CAPZB: variants seen among roughly 807,000 people sequenced by gnomAD.
The protein encoded by CAPZB is capping actin protein of muscle Z-line subunit beta.
CAPZB carries 2 observed loss-of-function variants against 38.1 expected under a neutral mutation model. That is an observed-to-expected ratio of 0.05 (90% CI 0.02 to 0.17). CAPZB has a LOEUF of 0.17. CAPZB is among the 10% of genes least tolerant of loss of function. CAPZB has a pLI of 1.00. For missense variants in CAPZB, 161 were observed against 334.2 expected, an observed-to-expected ratio of 0.48 and a Z score of 4.04; for synonymous variants, 107 against 127.4, an observed-to-expected ratio of 0.84 and a Z score of 1.08.
At chr1:19,459,678 C>T (rs1425041937) in intron 1 of CAPZB, among the ~76,000 whole-genome samples, 7 of 152,114 alleles carry the variant, frequency 4.6e-5, no homozygotes, top group Non-Finnish European at 1.0e-4. Context: ...AAAACAGTCC[C>T]CCTTACCTGC....
chr1:19,472,998 T>G (rs1244456878), intron 1 of CAPZB, among the ~76,000 whole-genome samples: 1 of 152,168 alleles, frequency 6.6e-6, no homozygotes, highest in African/African-American at 2.4e-5. Flanking sequence ...ATTACAGGTG[T>G]GAGCCACAGT....
rs916667251 is a variant in CAPZB at position 19,387,588 on chromosome 1, C to T, written c.94-1962G>A. ...GTTGGGCCTCAACTTTTGCCTGGAA[C>T]CCATTCTCTCTGGTTGGAGTCCTGA... On this transcript the variant is annotated intron_variant, in intron 2 of 8. Coordinates refer to ENST00000264202, the MANE Select transcript of CAPZB (RefSeq NM_004930.5). Among the ~76,000 whole-genome samples the T allele has an allele frequency of 5.9e-5, 9 of 152,210 alleles. 1 individual carries two copies. Among genetic ancestry groups the T allele is most frequent in the African/African-American group, 2.2e-4 (9 of 41,446 alleles).
At chr1:19,340,224 A>G (rs1172353213) in intron 8 of CAPZB, among the ~76,000 whole-genome samples, 1 of 152,192 alleles carries the variant, frequency 6.6e-6, no homozygotes, top group Non-Finnish European at 1.5e-5. Flanking sequence ...GTCTGAGCAC[A>G]CTGTGTTTAT....
intron 1 of CAPZB, among the ~76,000 whole-genome samples, chr1:19,425,827 A>G (rs2094420438): frequency 2.0e-5 from 3 of 152,236 alleles, no homozygotes; most frequent in Non-Finnish European, 4.4e-5. Context: ...CTCCAGGGCA[A>G]AGTCTGATTT....
intron 1 of CAPZB, among the ~76,000 whole-genome samples, chr1:19,463,366 C>A (rs912539592): frequency 2.6e-5 from 4 of 152,220 alleles, no homozygotes. Flanking sequence ...GCCTCACTTA[C>A]ATAAGAGTGC....
intron 1 of CAPZB, among the ~76,000 whole-genome samples, chr1:19,436,236 C>T (rs2094457791): frequency 1.3e-5 from 2 of 152,224 alleles, no homozygotes; most frequent in Non-Finnish European, 2.9e-5. Context: ...CTTCCCACTC[C>T]ATCCTGCCTG....
At chr1:19,467,878 T>C (rs572577103) in intron 1 of CAPZB, among the ~76,000 whole-genome samples, 2 of 152,334 alleles carry the variant, frequency 1.3e-5, no homozygotes, top group African/African-American at 2.4e-5. Context: ...GAACTAGAGC[T>C]TGAAAACACT....
At chr1:19,343,043 G>A (rs541783576) in intron 8 of CAPZB, among the ~76,000 whole-genome samples, 1 of 152,308 alleles carries the variant, frequency 6.6e-6, no homozygotes, top group East Asian at 1.9e-4. Context: ...CGCTGGCGGT[G>A]GTCGTGGTAT....
intron 3 of CAPZB, among the ~76,000 whole-genome samples, chr1:19,382,922 C>A (rs1432587675): frequency 1.3e-5 from 2 of 152,158 alleles, no homozygotes; most frequent in Non-Finnish European, 2.9e-5. Context: ...GCTCCCTGGT[C>A]TGTCAGACCA....
chr1:19,386,199 C>G (rs917183373), intron 2 of CAPZB, among the ~76,000 whole-genome samples: 2 of 152,230 alleles, frequency 1.3e-5, no homozygotes, highest in African/African-American at 2.4e-5. Flanking sequence ...AGTGGGCTCA[C>G]CTCCGGCTGG....
rs60458604 is a variant in CAPZB, at chr1:19,422,729, AAACAACAAC to A, written c.4-2988_4-2980del. Among the ~76,000 whole-genome samples the A allele has an allele frequency of 8.8e-4, 132 of 150,448 alleles. 1 individual carries two copies. The highest frequency in any genetic ancestry group is 2.7e-3 in the African/African-American group (111 of 40,788). ...GCGACAGAGCGAGACTCCATCTCAA[AAACAACAAC>A]AACAACAACAACAACAACAACAAAC... is the stretch of plus-strand genomic sequence containing the variant. On this transcript the variant is annotated intron_variant, in intron 1 of 8. Coordinates refer to ENST00000264202, the MANE Select transcript of CAPZB (RefSeq NM_004930.5).
chr1:19,414,103 T>C (rs2094368909), intron 2 of CAPZB, among the ~76,000 whole-genome samples: 1 of 152,198 alleles, frequency 6.6e-6, no homozygotes, highest in South Asian at 2.1e-4. Flanking sequence ...TTTGGAAACG[T>C]AAGCAGCGGG....
intron 6 of CAPZB, among the ~76,000 whole-genome samples, chr1:19,355,675 G>A (rs6683394): frequency 0.15 from 22,735 of 152,170 alleles, 2,153 homozygotes; most frequent in South Asian, 0.22. Context: ...AGAAAGTGGC[G>A]CCCCGCTGAG....
chr1:19,464,742 T>A (rs912560650), intron 1 of CAPZB, among the ~76,000 whole-genome samples: 1 of 152,138 alleles, frequency 6.6e-6, no homozygotes, highest in Non-Finnish European at 1.5e-5. Context: ...ACATGCAACA[T>A]GAATGAATCA....
At chr1:19,385,746 A>C (rs371154610) in intron 2 of CAPZB, 120 bp from the exon 3 acceptor site, 9 of 1,165,520 alleles carry the variant, frequency 7.7e-6, no homozygotes, top group Non-Finnish European at 1.2e-5. Flanking sequence ...CTGGGCACTG[A>C]GACAAAATTA....
intron 2 of CAPZB, among the ~76,000 whole-genome samples, chr1:19,417,757 C>T (rs1036484055): frequency 6.6e-6 from 1 of 152,122 alleles, no homozygotes; most frequent in Non-Finnish European, 1.5e-5. Context: ...TGCCCGACCG[C>T]CCCCAGCTCA....
chr1:19,433,400 G>C (rs1159885959), intron 1 of CAPZB, among the ~76,000 whole-genome samples: 2 of 152,188 alleles, frequency 1.3e-5, no homozygotes, highest in Admixed American at 1.3e-4. Context: ...ACTGACGAAG[G>C]CTAAGAAAAG....
intron 4 of CAPZB, among the ~76,000 whole-genome samples, chr1:19,377,472 T>C (rs1407074623): frequency 6.6e-6 from 1 of 152,222 alleles, no homozygotes; most frequent in Non-Finnish European, 1.5e-5. Context: ...GTAAAGATAA[T>C]GTATATAAAA....
At chr1:19,378,305 G>A (rs997601040) in intron 4 of CAPZB, among the ~76,000 whole-genome samples, 1 of 152,166 alleles carries the variant, frequency 6.6e-6, no homozygotes. Flanking sequence ...TTCTATGACC[G>A]AGTCATCTCA....
Sources: gnomAD v4.1 joint callset for allele counts (sites outside exome capture counted in the v4.1 genomes callset) on GRCh38, gnomAD v4.1.1 for gene constraint, MANE v1.5 for transcripts, NCBI Gene and HGNC (gene_info 2026-07-23, HGNC 2026-07-21) for gene names.